HTT: variants seen among roughly 807,000 people sequenced by gnomAD.
The protein encoded by HTT is huntingtin.
In HTT, 104 loss-of-function variants were observed where a neutral mutation model predicts 362.3. The observed-to-expected ratio is 0.29, with a 90% confidence interval of 0.24 to 0.34. The LOEUF is 0.34. Among genes scored for constraint, HTT ranks in the 10% least tolerant of loss-of-function variants. HTT has a pLI of 1.00. For synonymous variants in HTT, 1,577 were observed against 1,548.7 expected (o/e 1.02, Z -0.43); for missense variants, 3,301 against 3,928.6 (o/e 0.84, Z 4.27).
At chr4:3,178,755 T>C (rs1718362113) in intron 35 of HTT, among the ~76,000 whole-genome samples, 2 of 152,246 alleles carry the variant, frequency 1.3e-5, no homozygotes, top group African/African-American at 4.8e-5. Flanking sequence ...AGTTCTTCAC[T>C]TGATCTTAGC....
intron 37 of HTT, among the ~76,000 whole-genome samples, chr4:3,186,149 C>T (rs1372315435): frequency 6.6e-6 from 1 of 151,992 alleles, no homozygotes; most frequent in Non-Finnish European, 1.5e-5. Context: ...GATATACACA[C>T]ACCACTTAGC....
At chr4:3,163,503 A>G (rs1238808212) in intron 29 of HTT, among the ~76,000 whole-genome samples, 1 of 152,210 alleles carries the variant, frequency 6.6e-6, no homozygotes, top group Non-Finnish European at 1.5e-5. Flanking sequence ...AAGGAATGGT[A>G]CCATCTCCTC....
Position 3,224,137 on chromosome 4 carries a change from T to C in HTT, c.7765+6T>C, listed in dbSNP as rs761067286. The C allele has an allele frequency of 2.0e-5, 32 of 1,613,780 alleles. No homozygotes were observed. The highest frequency in any genetic ancestry group is 2.5e-5 in the Non-Finnish European group (30 of 1,179,870). On this transcript the variant is annotated splice_donor_region_variant and intron_variant, in intron 56 of 66. Coordinates refer to ENST00000355072, the MANE Select transcript of HTT (RefSeq NM_001388492.1). ...TCTGTCTCCGGCTACTACAGGTACC[T>C]GAGGGAAAGGGTGCGGGGGAGCGGT...
In HTT at chr4:3,105,424, C is replaced by T. The variant is rs1441523767; in HGVS notation, c.596C>T (p.Pro199Leu). ...GCTGAGCTGGCTCACCTGGTTCGGC[C>T]TCAGAAATGCAGGTAAGTTGTACAC... is the stretch of plus-strand genomic sequence containing the variant. ...RFAELAHLVRPQKCRPYLVNL... is the reference protein window; with the variant it reads ...RFAELAHLVRLQKCRPYLVNL... Residue 199 changes from proline (P) to leucine (L), a missense_variant, in exon 5 of 67, where the codon CCT (proline) becomes CTT (leucine). Pro to Leu is a moderately conservative substitution (Grantham distance 98). This residue lies in a region of HTT where 2,316 missense variants were observed against 2,658.5 expected (regional missense o/e 0.87). Transcript: ENST00000355072. 1.2e-6 allele frequency: 2 copies of T among 1,612,470 alleles called. No homozygotes were observed. Among genetic ancestry groups the T allele is most frequent in the Non-Finnish European group, 1.7e-6 (2 of 1,178,626 alleles).
rs575509408 is a variant in HTT at position 3,149,295 on chromosome 4, T to G, written c.3498+1088T>G. ...ATTTAAGATAGACCAGTTCACATAC[T>G]TTTTTTTTTTTTTTTTTTTGAGATG... On this transcript the variant is annotated intron_variant, in intron 26 of 66. Coordinates refer to ENST00000355072, the MANE Select transcript of HTT (RefSeq NM_001388492.1). 2.1e-3 allele frequency among the ~76,000 whole-genome samples: 233 copies of G among 112,696 alleles called. 2 individuals are homozygous for G. Among genetic ancestry groups the G allele is most frequent in the Admixed American group, 3.5e-3 (43 of 12,398 alleles). 73.9% of individuals were successfully genotyped at this position (112,696 alleles called of 152,430 possible). A position where few individuals can be genotyped will look rare whatever the true frequency, so the allele number is the denominator to read the frequency against.
At chr4:3,125,950 G>T (rs1213483449) in intron 11 of HTT, among the ~76,000 whole-genome samples, 1 of 152,186 alleles carries the variant, frequency 6.6e-6, no homozygotes, top group Non-Finnish European at 1.5e-5. Flanking sequence ...TATGCTGGGG[G>T]TTGGGAAATG....
intron 6 of HTT, among the ~76,000 whole-genome samples, chr4:3,111,439 C>T (rs1311550503): frequency 1.3e-5 from 2 of 152,178 alleles, no homozygotes; most frequent in Non-Finnish European, 2.9e-5. Context: ...GGTGATCCGC[C>T]TGCCTTGGCC....
At position 3,243,346 on chromosome 4, in the gene HTT, C is replaced by T. The variant is rs1721905839; in HGVS notation, c.*3287C>T. ...CTCCCTCTGCGGGGAGGACCCGGGA[C>T]CACAGCTGCTGGCCAGGGTAGACTT... On this transcript the variant is annotated 3_prime_UTR_variant, in exon 67 of 67. Coordinates refer to ENST00000355072, the MANE Select transcript of HTT (RefSeq NM_001388492.1). 1 of 152,530 alleles carries T rather than the reference C, an allele frequency of 6.6e-6. No individual in the cohort carries two copies. Among genetic ancestry groups the T allele is most frequent in the Non-Finnish European group, 1.5e-5 (1 of 68,080 alleles). The allele number at this position is 152,530 out of a possible 1,614,324, so 9.4% of individuals were successfully genotyped here.
intron 6 of HTT, among the ~76,000 whole-genome samples, chr4:3,114,266 G>A (rs1463557211): frequency 3.9e-5 from 6 of 152,182 alleles, no homozygotes; most frequent in Non-Finnish European, 7.4e-5. Context: ...GGTGTTCCTT[G>A]CCCTCATTCC....
At chr4:3,092,525 T>C (rs912597779) in intron 2 of HTT, among the ~76,000 whole-genome samples, 2 of 152,310 alleles carry the variant, frequency 1.3e-5, no homozygotes, top group Admixed American at 6.5e-5. Flanking sequence ...TGGGGGACTT[T>C]AGGCAGTGCT....
Position 3,125,583 on chromosome 4 carries a change from G to A in HTT, c.1356G>A (p.Glu452=), listed in dbSNP as rs1350393042. The change falls in exon 11 of 67, where the codon GAG becomes GAA. Residue 452 remains glutamate (E), a synonymous_variant. Transcript: ENST00000355072. Reference sequence around the variant, plus strand: ...TCTTAGGAGAAGAAGAAGCCTTGGAGGATGACTCTGAATCGAGATCGGATG... The same window carrying A: ...TCTTAGGAGAAGAAGAAGCCTTGGAAGATGACTCTGAATCGAGATCGGATG... ...KVLLGEEEAL[E]DDSESRSDVS... is the part of the protein sequence containing the mutation. The A allele has an allele frequency of 5.6e-6, 9 of 1,613,866 alleles. No individual in the cohort carries two copies. Among genetic ancestry groups the A allele is most frequent in the African/African-American group, 1.3e-5 (1 of 75,050 alleles).
intron 2 of HTT, among the ~76,000 whole-genome samples, chr4:3,094,742 C>T (rs186403576): frequency 0.069 from 9,845 of 142,780 alleles, 819 homozygotes; most frequent in African/African-American, 0.17. Context: ...GAGCGGCTGC[C>T]GGGCGGAGGG....
At chr4:3,105,653 G>A (rs776448307) in intron 5 of HTT, among the ~76,000 whole-genome samples, 3 of 152,178 alleles carry the variant, frequency 2.0e-5, no homozygotes, top group Admixed American at 6.5e-5. Flanking sequence ...CCACCCTTCC[G>A]CAAGAGACTT....
chr4:3,099,085 T>C (rs1427041808), intron 2 of HTT, among the ~76,000 whole-genome samples, 189 bp from the exon 3 acceptor site: 1 of 152,220 alleles, frequency 6.6e-6, no homozygotes, highest in Admixed American at 6.5e-5. Context: ...GTGAGACATT[T>C]TCATGTTTAA....
At chr4:3,095,801 G>C (rs532692957) in intron 2 of HTT, among the ~76,000 whole-genome samples, 1 of 152,206 alleles carries the variant, frequency 6.6e-6, no homozygotes, top group Admixed American at 6.5e-5. Context: ...AAGGAGATTA[G>C]AATAATAAAA....
At chr4:3,141,349 C>G (rs1201544889) in intron 22 of HTT, among the ~76,000 whole-genome samples, 2 of 152,144 alleles carry the variant, frequency 1.3e-5, no homozygotes, top group East Asian at 3.8e-4. Context: ...GACTAAATGA[C>G]TTCTAAGCTT....
chr4:3,150,812 G>A (rs765428714), intron 26 of HTT, among the ~76,000 whole-genome samples: 12 of 152,184 alleles, frequency 7.9e-5, no homozygotes, highest in African/African-American at 1.4e-4. Flanking sequence ...CGAGACCAGT[G>A]CATCACAAGG....
In HTT at chr4:3,241,507, G is replaced by A. The variant is rs886233839; in HGVS notation, c.*1448G>A. On this transcript the variant is annotated 3_prime_UTR_variant, in exon 67 of 67. Coordinates refer to ENST00000355072, the MANE Select transcript of HTT (RefSeq NM_001388492.1). ...TCTGCTTGCCGACTGGCTGTGAGAC[G>A]AGGCAGGGGCTCTGCTTCCTCAGCC... is the stretch of plus-strand genomic sequence containing the variant. The A allele has an allele frequency of 6.6e-6, 1 of 152,346 alleles. No individual in the cohort carries two copies. Among genetic ancestry groups the A allele is most frequent in the Non-Finnish European group, 1.5e-5 (1 of 68,092 alleles). The allele number at this position is 152,346 out of a possible 1,614,324, so 9.4% of individuals were successfully genotyped here.
chr4:3,090,753 CTAG>C (rs1713458366), intron 2 of HTT, among the ~76,000 whole-genome samples: 1 of 152,154 alleles, frequency 6.6e-6, no homozygotes. Context: ...GATCAAAATT[CTAG>C]TAGAGGTATT....
Sources: allele counts gnomAD v4.1 joint callset (sites outside exome capture counted in the v4.1 genomes callset), GRCh38; gene constraint gnomAD v4.1.1; regional missense constraint gnomAD v4.1.1; transcripts MANE v1.5; gene names NCBI Gene and HGNC (gene_info 2026-07-23, HGNC 2026-07-21).